The following CDH22 variants were observed in gnomAD, a reference collection of about 807,000 sequenced individuals.
CDH22 encodes cadherin-22.
In CDH22, 30 loss-of-function variants were observed where a neutral mutation model predicts 58.4. That is an observed-to-expected ratio of 0.51 (90% CI 0.38 to 0.70). CDH22 has a LOEUF of 0.70. Ranked by LOEUF, CDH22 falls within the 30% of genes least tolerant of loss-of-function variation. CDH22 has a pLI of 0.00. For missense variants in CDH22, 1,014 were observed against 1,233.9 expected (o/e 0.82, Z 2.67); for synonymous variants, 513 against 558.2 (o/e 0.92, Z 1.14).
At chr20:46,238,553 C>T (rs180957799) in intron 3 of CDH22, among the ~76,000 whole-genome samples, 64 of 152,334 alleles carry the variant, frequency 4.2e-4, no homozygotes, top group Admixed American at 2.9e-3. Flanking sequence ...AACTTCACGC[C>T]AAACTCCTAA....
At chr20:46,192,919 C>T (rs1350842613) in intron 8 of CDH22, among the ~76,000 whole-genome samples, 6 of 152,032 alleles carry the variant, frequency 3.9e-5, no homozygotes, top group Non-Finnish European at 7.4e-5. Context: ...CCCCATGCCC[C>T]CCCCCAGTGG....
At chr20:46,215,764 G>T (rs535607998) in intron 5 of CDH22, among the ~76,000 whole-genome samples, 42 of 152,234 alleles carry the variant, frequency 2.8e-4, no homozygotes, top group Non-Finnish European at 5.6e-4. Flanking sequence ...ACCCCTTCCA[G>T]TTCAGAGCTC....
chr20:46,211,320 T>A (rs541930834), intron 6 of CDH22, among the ~76,000 whole-genome samples: 1 of 152,268 alleles, frequency 6.6e-6, no homozygotes, highest in African/African-American at 2.4e-5. Context: ...AAGAGTGACC[T>A]TCCAGGAGAC....
chr20:46,278,020 G>A (rs1357998525), intron 1 of CDH22, among the ~76,000 whole-genome samples: 4 of 151,886 alleles, frequency 2.6e-5, no homozygotes, highest in Admixed American at 6.6e-5. Context: ...GGCGTTGGCC[G>A]AGACAAGAGG....
chr20:46,277,668 C>T (rs1046758660), intron 1 of CDH22, among the ~76,000 whole-genome samples: 1 of 151,276 alleles, frequency 6.6e-6, no homozygotes, highest in African/African-American at 2.4e-5. Context: ...GGAGGGCCCG[C>T]CCCCCACTGG....
At chr20:46,296,247 T>C (rs1281614474) in intron 1 of CDH22, among the ~76,000 whole-genome samples, 1 of 152,228 alleles carries the variant, frequency 6.6e-6, no homozygotes, top group Non-Finnish European at 1.5e-5. Context: ...AGTCCTGATC[T>C]GGCTGTAAGG....
chr20:46,290,319 T>C (rs2086595084), intron 1 of CDH22, among the ~76,000 whole-genome samples: 1 of 152,216 alleles, frequency 6.6e-6, no homozygotes, highest in Admixed American at 6.5e-5. Context: ...TAGCAATGAC[T>C]AGAGATGTTT....
chr20:46,205,073 A>G (rs2085991776), intron 7 of CDH22, among the ~76,000 whole-genome samples: 1 of 151,974 alleles, frequency 6.6e-6, no homozygotes, highest in Admixed American at 6.5e-5. Flanking sequence ...CTCCTGCTCC[A>G]CTGTCCCAAC....
chr20:46,257,702 C>A (rs1463213706), intron 1 of CDH22, among the ~76,000 whole-genome samples: 1 of 152,194 alleles, frequency 6.6e-6, no homozygotes, highest in Admixed American at 6.5e-5. Flanking sequence ...GCTCCTGTAC[C>A]TATGGCTAGG....
intron 1 of CDH22, among the ~76,000 whole-genome samples, chr20:46,293,390 T>G (rs1355368092): frequency 6.6e-6 from 1 of 152,166 alleles, no homozygotes; most frequent in Non-Finnish European, 1.5e-5. Flanking sequence ...AGGCCTTGCT[T>G]CTTCCATTTT....
chr20:46,212,128 G>T (rs1301489604), intron 6 of CDH22, among the ~76,000 whole-genome samples: 1 of 152,202 alleles, frequency 6.6e-6, no homozygotes, highest in Non-Finnish European at 1.5e-5. Flanking sequence ...TTATGTGCTT[G>T]CTGAGCAAAA....
chr20:46,269,128 C>G (rs1004887077), intron 1 of CDH22, among the ~76,000 whole-genome samples: 1 of 152,222 alleles, frequency 6.6e-6, no homozygotes, highest in African/African-American at 2.4e-5. Flanking sequence ...GATCTGGCTG[C>G]TAACTCTCTT....
Position 46,178,157 on chromosome 20 carries a change from G to T in CDH22, c.1704C>A (p.Asn568Lys), listed in dbSNP as rs1351226985. 6.2e-7 allele frequency: 1 copy of T among 1,614,022 alleles called. No individual in the cohort carries two copies. Among genetic ancestry groups the T allele is most frequent in the Non-Finnish European group, 8.5e-7 (1 of 1,179,988 alleles). ...AAVHTQHVGFNRQEQDVFFLP... is the reference protein window; with the variant it reads ...AAVHTQHVGFKRQEQDVFFLP... ...GGAAGAACACGTCCTGCTCCTGCCG[G>T]TTGAAGCCCACGTGCTGCGTGTGCA... Residue 568 changes from asparagine (N) to lysine (K), a missense_variant, in exon 11 of 12, where the codon AAC becomes AAA. Physicochemically the swap from Asn to Lys is moderately conservative, Grantham distance 94. Coordinates refer to ENST00000537909, the MANE Select transcript of CDH22 (RefSeq NM_021248.3).
chr20:46,298,709 C>A (rs1298511613), intron 1 of CDH22, among the ~76,000 whole-genome samples: 1 of 152,094 alleles, frequency 6.6e-6, no homozygotes, highest in Non-Finnish European at 1.5e-5. Flanking sequence ...AGATGGGATG[C>A]TGGCTGGATG....
At chr20:46,288,296 A>C (rs1205822186) in intron 1 of CDH22, among the ~76,000 whole-genome samples, 1 of 151,580 alleles carries the variant, frequency 6.6e-6, no homozygotes, top group Non-Finnish European at 1.5e-5. Context: ...ATGTGTCCAC[A>C]CCTCTCCCAG....
chr20:46,221,632 G>A (rs1475192733), intron 4 of CDH22, among the ~76,000 whole-genome samples: 2 of 152,168 alleles, frequency 1.3e-5, no homozygotes, highest in African/African-American at 2.4e-5. Flanking sequence ...AGTCCCAGGC[G>A]AACCCAGGTT....
chr20:46,191,786 C>A (rs567103568), intron 8 of CDH22, among the ~76,000 whole-genome samples: 3 of 152,136 alleles, frequency 2.0e-5, no homozygotes, highest in South Asian at 4.1e-4. Context: ...GCCTTCAAGG[C>A]CCTGAACAAA....
chr20:46,253,051 C>T (rs1674123205), intron 1 of CDH22, among the ~76,000 whole-genome samples: 1 of 152,096 alleles, frequency 6.6e-6, no homozygotes, highest in African/African-American at 2.4e-5. Context: ...TGTGTTTGGG[C>T]AGATGGTGTG....
intron 7 of CDH22, among the ~76,000 whole-genome samples, chr20:46,207,305 G>A (rs920252520): frequency 5.9e-5 from 9 of 152,226 alleles, no homozygotes; most frequent in African/African-American, 2.2e-4. Context: ...GGACTGAGAG[G>A]GGGTGTGGAG....
Sources: allele counts gnomAD v4.1 joint callset (sites outside exome capture counted in the v4.1 genomes callset), GRCh38; gene constraint gnomAD v4.1.1; transcripts MANE v1.5; gene names NCBI Gene and HGNC (gene_info 2026-07-23, HGNC 2026-07-21).